Variants in STIM1 observed in about 807,000 individuals in gnomAD.
The protein encoded by STIM1 is stromal interaction molecule 1.
Under a neutral mutation model 74.7 loss-of-function variants are expected in STIM1, and 25 were observed. The ratio of observed to expected loss-of-function variants is 0.33; its 90% CI spans 0.24 to 0.47. The LOEUF (loss-of-function observed/expected upper bound fraction) is 0.47, where lower values mean the gene tolerates loss of function less well. Among genes scored for constraint, STIM1 ranks in the 20% least tolerant of loss-of-function variants. The probability of loss-of-function intolerance (pLI) is 1.00; values close to 1 mark genes in which losing one functional copy is unlikely to be tolerated. For synonymous variants in STIM1, 328 were observed against 348.8 expected, an observed-to-expected ratio of 0.94 and a Z score of 0.66; for missense variants, 728 against 920.8, an observed-to-expected ratio of 0.79 and a Z score of 2.71.
At chr11:4,073,148 A>G (rs1428072366) in intron 6 of STIM1, among the ~76,000 whole-genome samples, 2 of 133,780 alleles carry the variant, frequency 1.5e-5, no homozygotes, top group African/African-American at 5.6e-5. Flanking sequence ...CTTGTTCTGT[A>G]GTCTATCCTT....
At chr11:3,885,819 G>T (rs1299572394) in intron 1 of STIM1, among the ~76,000 whole-genome samples, 2 of 152,084 alleles carry the variant, frequency 1.3e-5, no homozygotes, top group Non-Finnish European at 1.5e-5. Context: ...TCTATTTTTT[G>T]TGTAGACAAA....
chr11:4,013,942 C>T (rs1197328780), intron 2 of STIM1, among the ~76,000 whole-genome samples: 9 of 151,848 alleles, frequency 5.9e-5, no homozygotes, highest in East Asian at 1.9e-4. Flanking sequence ...CTCCTGACCT[C>T]GTGATCCGCC....
intron 6 of STIM1, among the ~76,000 whole-genome samples, chr11:4,071,447 C>A (rs767821267): frequency 2.6e-5 from 4 of 152,098 alleles, no homozygotes; most frequent in Non-Finnish European, 5.9e-5. Context: ...ACCCCCTGGG[C>A]TCAAGAGATC....
chr11:3,928,555 G>T (rs573821121), intron 1 of STIM1, among the ~76,000 whole-genome samples: 6 of 151,970 alleles, frequency 3.9e-5, no homozygotes, highest in Non-Finnish European at 8.8e-5. Context: ...CTCACTTGGC[G>T]TATCTTTATT....
intron 3 of STIM1, among the ~76,000 whole-genome samples, chr11:4,032,462 A>G (rs549638690): frequency 9.2e-5 from 14 of 152,320 alleles, no homozygotes; most frequent in Non-Finnish European, 1.5e-4. Context: ...AATTCTTTCA[A>G]TCAGGTAGTG....
chr11:4,069,576 A>G (rs556658114), intron 5 of STIM1, among the ~76,000 whole-genome samples: 147 of 152,292 alleles, frequency 9.7e-4, no homozygotes, highest in African/African-American at 3.4e-3. Flanking sequence ...CTACAGCCAG[A>G]ACTGAGGCTT....
At chr11:4,048,639 T>C (rs923868787) in intron 3 of STIM1, among the ~76,000 whole-genome samples, 1 of 152,198 alleles carries the variant, frequency 6.6e-6, no homozygotes, top group African/African-American at 2.4e-5. Flanking sequence ...TTAAGTCTAC[T>C]TCTATTCCTT....
intron 3 of STIM1, among the ~76,000 whole-genome samples, chr11:4,029,144 C>T (rs2094025144): frequency 6.6e-6 from 1 of 151,982 alleles, no homozygotes; most frequent in South Asian, 2.1e-4. Context: ...GCCGAGATCA[C>T]GCCATGGCAC....
chr11:4,080,467 G>GT (rs753798798), intron 7 of STIM1, among the ~76,000 whole-genome samples: 6,907 of 129,656 alleles, frequency 0.053, 571 homozygotes, highest in African/African-American at 0.16. Context: ...TAACCAAACA[G>GT]TTTTTTTTTT....
At position 3,856,368 on chromosome 11, in the gene STIM1, G is replaced by T; in HGVS notation, c.98G>T (p.Gly33Val). 6.2e-7 allele frequency: 1 copy of T among 1,614,196 alleles called. No homozygotes were observed. The change falls in exon 1 of 13, where the codon GGA (glycine) becomes GTA (valine). Residue 33 changes from glycine (G) to valine (V), a missense_variant. Physicochemically the swap from Gly to Val is moderately radical, Grantham distance 109. Transcript: ENST00000526596. ...CATAGTCACAGTGAGAAGGCGACAG[G>T]AACCAGCTCGGGGGCCAACTCTGAG... ...LSHSHSEKATGTSSGANSEES... is the reference protein window; with the variant it reads ...LSHSHSEKATVTSSGANSEES...
intron 1 of STIM1, among the ~76,000 whole-genome samples, chr11:3,944,275 C>A (rs1304663710): frequency 2.6e-5 from 4 of 152,130 alleles, no homozygotes; most frequent in Non-Finnish European, 5.9e-5. Flanking sequence ...TCTTTAATTG[C>A]CATTTAAAGA....
intron 12 of STIM1, 64 bp from the exon 13 acceptor site, chr11:4,091,218 G>C (rs147641745): frequency 1.2e-6 from 2 of 1,608,198 alleles, no homozygotes; most frequent in Admixed American, 3.3e-5. Context: ...TCTCCTCTTC[G>C]CCTTTCCCCT....
intron 12 of STIM1, among the ~76,000 whole-genome samples, chr11:4,090,916 TTCCC>T (rs2094520415): frequency 6.6e-6 from 1 of 152,242 alleles, no homozygotes; most frequent in East Asian, 1.9e-4. Context: ...TATCTGTTTC[TTCCC>T]TCCCTATCAC....
chr11:3,883,392 G>A (rs2091589510), intron 1 of STIM1, among the ~76,000 whole-genome samples: 1 of 152,128 alleles, frequency 6.6e-6, no homozygotes, highest in Non-Finnish European at 1.5e-5. Flanking sequence ...TTTCACTCTT[G>A]TTGCCCAGGC....
intron 5 of STIM1, among the ~76,000 whole-genome samples, chr11:4,060,640 C>G (rs551109375): frequency 6.6e-6 from 1 of 152,244 alleles, no homozygotes; most frequent in South Asian, 2.1e-4. Flanking sequence ...AAGGCGTAGT[C>G]TCTGTATTGA....
At chr11:4,006,566 C>T (rs2093783568) in intron 2 of STIM1, among the ~76,000 whole-genome samples, 1 of 152,136 alleles carries the variant, frequency 6.6e-6, no homozygotes, top group Non-Finnish European at 1.5e-5. Context: ...AGGCACAAGC[C>T]ATGATGGCAG....
At chr11:4,045,436 A>G (rs1261871098) in intron 3 of STIM1, among the ~76,000 whole-genome samples, 1 of 150,736 alleles carries the variant, frequency 6.6e-6, no homozygotes, top group Admixed American at 6.6e-5. Context: ...GTTCTAGTCC[A>G]TTTAACTTCC....
At chr11:3,944,092 A>G (rs181895095) in intron 1 of STIM1, among the ~76,000 whole-genome samples, 2 of 152,364 alleles carry the variant, frequency 1.3e-5, no homozygotes, top group Non-Finnish European at 2.9e-5. Flanking sequence ...TTAATGATGG[A>G]TTTTTAGCAC....
At chr11:3,993,381 G>A (rs917964295) in intron 2 of STIM1, among the ~76,000 whole-genome samples, 3 of 152,144 alleles carry the variant, frequency 2.0e-5, no homozygotes, top group Non-Finnish European at 2.9e-5. Flanking sequence ...TTGTGGCTGG[G>A]CGTGATGGCT....
Sources: gnomAD v4.1 joint callset for allele counts (sites outside exome capture counted in the v4.1 genomes callset) on GRCh38, gnomAD v4.1.1 for gene constraint, MANE v1.5 for transcripts, NCBI Gene and HGNC (gene_info 2026-07-23, HGNC 2026-07-21) for gene names.